The following PDIA6 variants were observed in gnomAD, a reference collection of about 807,000 sequenced individuals.
PDIA6 encodes the protein protein disulfide isomerase family A member 6.
A neutral mutation model predicts 58.4 loss-of-function variants in PDIA6; 29 were observed. That is an observed-to-expected ratio of 0.50 (90% CI 0.37 to 0.68). PDIA6 has a LOEUF of 0.68. Ranked by LOEUF, PDIA6 falls within the 30% of genes least tolerant of loss-of-function variation. The pLI is 0.00. For missense variants in PDIA6, 480 were observed against 551.0 expected (o/e 0.87, Z 1.29); for synonymous variants, 192 against 202.6 (o/e 0.95, Z 0.44).
At chr2:10,824,286 G>T (rs1385761734) in intron 1 of PDIA6, among the ~76,000 whole-genome samples, 2 of 152,106 alleles carry the variant, frequency 1.3e-5, no homozygotes, top group African/African-American at 4.8e-5. Flanking sequence ...TGTGCCCAAG[G>T]TTATGCCCCA....
chr2:10,823,940 C>T lies in PDIA6; in HGVS notation c.-47-4586G>A, dbSNP rs189700827. Among the ~76,000 whole-genome samples the T allele has an allele frequency of 1.3e-3, 204 of 151,900 alleles. 3 individuals carry two copies. Among genetic ancestry groups the T allele is most frequent in the South Asian group, 5.6e-3 (27 of 4,804 alleles). ...CCTCCTTTTCTCAATTCGGGACAAC[C>T]CTGAAGGCCCTTCCCAGCTTTAAGC... is the stretch of plus-strand genomic sequence containing the variant. On this transcript the variant is annotated intron_variant, in intron 1 of 13. Transcript: ENST00000381611.
chr2:10,794,468 C>CTTTTTT (rs76574229), intron 4 of PDIA6, among the ~76,000 whole-genome samples: 1 of 128,746 alleles, frequency 7.8e-6, no homozygotes, highest in African/African-American at 3.1e-5. Flanking sequence ...AAAAATCTTT[C>CTTTTTT]TTTTTTTTTT....
chr2:10,813,388 C>A (rs1245044192), upstream of PDIA6, among the ~76,000 whole-genome samples: 2 of 152,222 alleles, frequency 1.3e-5, no homozygotes, highest in East Asian at 3.9e-4. Context: ...TAAGCGGTAG[C>A]CTCCTCGCTG....
chr2:10,828,818 G>T (rs182694766), intron 1 of PDIA6, among the ~76,000 whole-genome samples: 1 of 152,208 alleles, frequency 6.6e-6, no homozygotes, highest in Non-Finnish European at 1.5e-5. Flanking sequence ...CTGGCCCCCG[G>T]GTCACAAGTG....
intron 1 of PDIA6, among the ~76,000 whole-genome samples, chr2:10,811,460 G>A (rs993469791): frequency 6.6e-6 from 1 of 152,196 alleles, no homozygotes; most frequent in African/African-American, 2.4e-5. Flanking sequence ...TGGAAACCCT[G>A]CACTCCAGCC....
At chr2:10,825,421 T>C (rs1224671329) in intron 1 of PDIA6, among the ~76,000 whole-genome samples, 1 of 152,178 alleles carries the variant, frequency 6.6e-6, no homozygotes, top group African/African-American at 2.4e-5. Context: ...TTTAAATTAG[T>C]TCACACTCCT....
At chr2:10,812,550 G>A (rs1293129935) in intron 1 of PDIA6, 128 bp downstream of exon 1, 17 of 950,598 alleles carry the variant, frequency 1.8e-5, no homozygotes, top group African/African-American at 3.5e-5. Flanking sequence ...GCCGAGGCCC[G>A]CGCCTCCCGC....
At chr2:10,836,077 C>G (rs550033229), upstream of PDIA6, among the ~76,000 whole-genome samples, 1 of 152,022 alleles carries the variant, frequency 6.6e-6, no homozygotes, top group African/African-American at 2.4e-5. Context: ...ACTTTCAGAC[C>G]GTGGAGTACC....
rs1308414382 is a variant in PDIA6, at chr2:10,785,034, A to AG, written c.1158-5dup. The AG allele has an allele frequency of 6.4e-7, 1 of 1,564,826 alleles. No homozygotes were observed. The highest frequency in any genetic ancestry group is 1.9e-5 in the Admixed American group (1 of 53,742). On this transcript the variant is annotated splice_polypyrimidine_tract_variant and splice_region_variant and intron_variant, in intron 11 of 12. Coordinates refer to ENST00000272227, the MANE Select transcript of PDIA6 (RefSeq NM_005742.4). ...GCCACGCCCAAAAGAGAGCTCCCTT[A>AG]GGGAAAAATGACCAAAACACACACA...
chr2:10,798,545 G>A (rs1437333008), intron 2 of PDIA6, among the ~76,000 whole-genome samples: 1 of 144,606 alleles, frequency 6.9e-6, no homozygotes, highest in Non-Finnish European at 1.5e-5. Flanking sequence ...TCCAGCCCGG[G>A]CAACACAGCA....
chr2:10,824,156 G>T (rs781625565), intron 1 of PDIA6, among the ~76,000 whole-genome samples: 1 of 151,638 alleles, frequency 6.6e-6, no homozygotes, highest in Non-Finnish European at 1.5e-5. Context: ...TACTGTAGTG[G>T]ATGCTGTGGT....
At chr2:10,822,870 G>A (rs141803028) in intron 1 of PDIA6, among the ~76,000 whole-genome samples, 10 of 152,182 alleles carry the variant, frequency 6.6e-5, no homozygotes, top group African/African-American at 9.6e-5. Context: ...AGCTGTGAGC[G>A]CAGCTTCCTG....
At chr2:10,807,778 C>T (rs575933769) in intron 1 of PDIA6, among the ~76,000 whole-genome samples, 15 of 152,170 alleles carry the variant, frequency 9.9e-5, no homozygotes, top group African/African-American at 3.6e-4. Flanking sequence ...CTGCTAAATC[C>T]TCCATCATAC....
At chr2:10,835,923 CG>C, upstream of PDIA6, among the ~76,000 whole-genome samples, 1 of 152,176 alleles carries the variant, frequency 6.6e-6, no homozygotes, top group Admixed American at 6.5e-5. Context: ...TGGTGGCGGG[CG>C]CCTGTAATCC....
chr2:10,812,761 C>T lies in PDIA6; in HGVS notation c.-65G>A, dbSNP rs906076505. 2.2e-6 allele frequency: 3 copies of T among 1,356,994 alleles called. No individual in the cohort carries two copies. Among genetic ancestry groups the T allele is most frequent in the Non-Finnish European group, 1.9e-6 (2 of 1,054,282 alleles). The allele number at this position is 1,356,994 out of a possible 1,614,324, so 84.1% of individuals were successfully genotyped here. A position where few individuals can be genotyped will look rare whatever the true frequency, so the allele number is the denominator to read the frequency against. On this transcript the variant is annotated 5_prime_UTR_variant, in exon 1 of 13. The change creates a new upstream start codon in the 5' untranslated region. Coordinates refer to ENST00000272227, the MANE Select transcript of PDIA6 (RefSeq NM_005742.4). ...CGCTTCAGCCCTGCAGCGTGCCGCA[C>T]GCCGCGCCCCCGCGCCCACGTCCCG...
rs143452997 is a variant in PDIA6, at chr2:10,819,954, A to T, written c.-47-600T>A. ...GGTTTGTCCTGCTGGTCTCTATTAGATGGGGCCACCATGTGTTGTGTTTCG... is the reference window on the plus strand; with the variant it reads ...GGTTTGTCCTGCTGGTCTCTATTAGTTGGGGCCACCATGTGTTGTGTTTCG... On this transcript the variant is annotated intron_variant, in intron 1 of 13. Transcript: ENST00000381611. 3.4e-3 allele frequency among the ~76,000 whole-genome samples: 525 copies of T among 152,188 alleles called. 5 individuals carry two copies. Among genetic ancestry groups the T allele is most frequent in the African/African-American group, 0.012 (508 of 41,514 alleles).
intron 1 of PDIA6, among the ~76,000 whole-genome samples, chr2:10,826,115 T>C (rs1267650647): frequency 6.6e-6 from 1 of 152,228 alleles, no homozygotes; most frequent in East Asian, 1.9e-4. Flanking sequence ...TGCCATGCTA[T>C]ACAACGGAAA....
At chr2:10,821,063 G>T in intron 1 of PDIA6, 1 of 526,492 alleles carries the variant, frequency 1.9e-6, no homozygotes, top group African/African-American at 1.9e-5. Flanking sequence ...TTTTCAGGTC[G>T]TGTTTTAAAA....
upstream of PDIA6, among the ~76,000 whole-genome samples, chr2:10,816,866 T>A (rs1341144401): frequency 6.6e-6 from 1 of 152,146 alleles, no homozygotes. Context: ...AGAGATGTCA[T>A]GTGGCCTGCC....
Sources: gnomAD v4.1 joint callset for allele counts (sites outside exome capture counted in the v4.1 genomes callset) on GRCh38, gnomAD v4.1.1 for gene constraint, MANE v1.5 for transcripts, NCBI Gene and HGNC (gene_info 2026-07-23, HGNC 2026-07-21) for gene names.